The following HEPACAM2 variants were observed in gnomAD, a reference collection of about 807,000 sequenced individuals.
HEPACAM2 encodes the protein mitotic kinetics regulator.
HEPACAM2 carries 49 observed loss-of-function variants against 49.6 expected under a neutral mutation model. The observed-to-expected ratio is 0.99, with a 90% CI of 0.78 to 1.25. The LOEUF is 1.25. Ranked by LOEUF, HEPACAM2 falls within the 50% of genes most tolerant of loss-of-function variation. HEPACAM2 has a pLI of 0.00. For synonymous variants in HEPACAM2, 197 were observed against 202.9 expected (o/e 0.97, Z 0.25); for missense variants, 525 against 557.2 (o/e 0.94, Z 0.58).
At chr7:93,191,080 A>T (rs114371347) in intron 9 of HEPACAM2, among the ~76,000 whole-genome samples, 2,118 of 152,180 alleles carry the variant, frequency 0.014, 48 homozygotes, top group African/African-American at 0.048. Context: ...ACAGCAAACA[A>T]ACTTCCCCTA....
chr7:93,231,176 C>A (rs1168621927), upstream of HEPACAM2, among the ~76,000 whole-genome samples: 1 of 152,114 alleles, frequency 6.6e-6, no homozygotes, highest in Non-Finnish European at 1.5e-5. Context: ...ACCACCCATA[C>A]TATTGTTTAC....
At chr7:93,230,607 T>C (rs185058537), upstream of HEPACAM2, among the ~76,000 whole-genome samples, 182 of 152,350 alleles carry the variant, frequency 1.2e-3, no homozygotes, top group South Asian at 2.1e-3. Context: ...GAAATGTTTA[T>C]TGACTTGGGT....
In HEPACAM2 at chr7:93,210,412, T is replaced by C. The variant is rs1159834758; in HGVS notation, c.716-1536A>G. ...AGCAGAGCTGGGTTTCTAAAATATA[T>C]GCACTTAATCGTTCACATTACTTCT... On this transcript the variant is annotated intron_variant, in intron 3 of 9. Coordinates refer to ENST00000394468, the MANE Select transcript of HEPACAM2 (RefSeq NM_001039372.4). Among the ~76,000 whole-genome samples the C allele has an allele frequency of 2.6e-5, 4 of 151,986 alleles. No individual in the cohort carries two copies. The East Asian group carries it at 5.8e-4, about 22-fold the overall frequency.
chr7:93,206,832 G>T (rs1236142145), intron 4 of HEPACAM2, among the ~76,000 whole-genome samples: 1 of 152,046 alleles, frequency 6.6e-6, no homozygotes, highest in Non-Finnish European at 1.5e-5. Context: ...GTACCAAGGA[G>T]TACCTACGAG....
intron 2 of HEPACAM2, among the ~76,000 whole-genome samples, chr7:93,218,347 G>C (rs1301688499): frequency 1.3e-5 from 2 of 152,018 alleles, no homozygotes; most frequent in Non-Finnish European, 1.5e-5. Flanking sequence ...GAGTGGGGCA[G>C]TACTGGGGGT....
At chr7:93,218,055 A>G (rs1413160125) in intron 2 of HEPACAM2, among the ~76,000 whole-genome samples, 2 of 152,108 alleles carry the variant, frequency 1.3e-5, no homozygotes, top group Non-Finnish European at 2.9e-5. Context: ...AGCAAACAGC[A>G]AGTACAAAGG....
chr7:93,189,156 G>T lies in HEPACAM2; in HGVS notation c.*111C>A. On this transcript the variant is annotated 3_prime_UTR_variant, in exon 10 of 10. Transcript: ENST00000394468. Reference sequence around the variant, plus strand: ...CATGTAAAGGAATAATGAGTAAGAGGTGTTGGTCTTGGTTTCTTCACTGAT... The same window carrying T: ...CATGTAAAGGAATAATGAGTAAGAGTTGTTGGTCTTGGTTTCTTCACTGAT... The T allele has an allele frequency of 1.2e-6, 1 of 861,216 alleles. No homozygotes were observed. The highest frequency in any genetic ancestry group is 1.9e-6 in the Non-Finnish European group (1 of 525,108). The allele number at this position is 861,216 out of a possible 1,614,324, so 53.3% of individuals were successfully genotyped here.
chr7:93,230,529 T>C (rs1794605469), upstream of HEPACAM2, among the ~76,000 whole-genome samples: 1 of 152,234 alleles, frequency 6.6e-6, no homozygotes, highest in African/African-American at 2.4e-5. Flanking sequence ...TGTGAACTCC[T>C]TGTGACCACA....
At chr7:93,226,982 G>C (rs921727949), upstream of HEPACAM2, among the ~76,000 whole-genome samples, 2 of 152,076 alleles carry the variant, frequency 1.3e-5, no homozygotes, top group Non-Finnish European at 2.9e-5. Context: ...TATTTAAAAC[G>C]TATTTTTTCT....
chr7:93,209,545 T>C (rs1333879204), intron 3 of HEPACAM2, among the ~76,000 whole-genome samples: 1 of 151,906 alleles, frequency 6.6e-6, no homozygotes, highest in African/African-American at 2.4e-5. Context: ...TCCTCATATC[T>C]AGCTGTCCAT....
intron 8 of HEPACAM2, among the ~76,000 whole-genome samples, chr7:93,195,256 C>CT (rs1562820720): frequency 6.6e-6 from 1 of 152,094 alleles, no homozygotes; most frequent in Non-Finnish European, 1.5e-5. Context: ...GAGACAGGGT[C>CT]TTACTCTGCT....
intron 7 of HEPACAM2, among the ~76,000 whole-genome samples, chr7:93,196,692 T>G (rs1448971935): frequency 6.6e-6 from 1 of 152,178 alleles, no homozygotes; most frequent in Non-Finnish European, 1.5e-5. Context: ...AAACTGAAAC[T>G]TGGCTCCCTG....
intron 2 of HEPACAM2, among the ~76,000 whole-genome samples, chr7:93,216,776 A>G (rs982101162): frequency 6.6e-6 from 1 of 152,232 alleles, no homozygotes; most frequent in Non-Finnish European, 1.5e-5. Context: ...CAGAGAGAAT[A>G]GGATGATACA....
upstream of HEPACAM2, among the ~76,000 whole-genome samples, chr7:93,231,257 CT>C (rs1162450805): frequency 6.6e-6 from 1 of 152,034 alleles, no homozygotes; most frequent in Non-Finnish European, 1.5e-5. Context: ...AATTATGGGT[CT>C]GTGTCATACT....
At chr7:93,227,757 A>C (rs529318779), upstream of HEPACAM2, among the ~76,000 whole-genome samples, 5 of 152,264 alleles carry the variant, frequency 3.3e-5, no homozygotes, top group Admixed American at 3.3e-4. Context: ...TCTGGTACAC[A>C]CATCTATTGC....
chr7:93,202,087 A>G (rs189492949), intron 4 of HEPACAM2, among the ~76,000 whole-genome samples: 1 of 149,912 alleles, frequency 6.7e-6, no homozygotes, highest in East Asian at 1.9e-4. Context: ...AATAAATAAT[A>G]AAAAAGAAAG....
rs745636212 is a variant in HEPACAM2, at chr7:93,188,972, A to G, written c.*295T>C. The G allele has an allele frequency of 1.6e-5, 7 of 445,744 alleles. No individual in the cohort carries two copies. The highest frequency in any genetic ancestry group is 2.8e-5 in the Non-Finnish European group (7 of 253,076). The allele number at this position is 445,744 out of a possible 1,614,324, so 27.6% of individuals were successfully genotyped here. A position where few individuals can be genotyped will look rare whatever the true frequency, so the allele number is the denominator to read the frequency against. ...TGAGGTTTGTAGAGATATTTCATAC[A>G]AAACTTATGAGGAAACCCCTGTCAC... On this transcript the variant is annotated 3_prime_UTR_variant, in exon 10 of 10. Transcript: ENST00000394468.
At position 93,195,851 on chromosome 7, in the gene HEPACAM2, G is replaced by A. The variant is rs267601638; in HGVS notation, c.1252C>T (p.Pro418Ser). 1 of 1,612,952 alleles carries A rather than the reference G, an allele frequency of 6.2e-7. No homozygotes were observed. The highest frequency in any genetic ancestry group is 8.5e-7 in the Non-Finnish European group (1 of 1,179,384). ...ACCCTGGAAACACCAGAAACATCTG[G>A]AAAAGCAACAAATTCATATATTCCG... ...DFGIYEFVAF[P>S]DVSGVSRIPS... The change falls in exon 8 of 10, where the codon CCA (proline) becomes TCA (serine). Residue 418 changes from proline (P) to serine (S), a missense_variant. Coordinates refer to ENST00000394468, the MANE Select transcript of HEPACAM2 (RefSeq NM_001039372.4).
At chr7:93,229,864 T>A (rs971583125), upstream of HEPACAM2, among the ~76,000 whole-genome samples, 4 of 152,254 alleles carry the variant, frequency 2.6e-5, no homozygotes, top group Non-Finnish European at 4.4e-5. Flanking sequence ...TTTGTTTTTT[T>A]GAGCGTAGAC....
Sources: gnomAD v4.1 joint callset for allele counts (sites outside exome capture counted in the v4.1 genomes callset) on GRCh38, gnomAD v4.1.1 for gene constraint, MANE v1.5 for transcripts, NCBI Gene and HGNC (gene_info 2026-07-23, HGNC 2026-07-21) for gene names.